RBMS3: variants seen among roughly 807,000 people sequenced by gnomAD.
RBMS3 encodes RNA binding motif single stranded interacting protein 3.
RBMS3 carries 27 observed loss-of-function variants against 66.8 expected under a neutral mutation model. The ratio of observed to expected loss-of-function variants is 0.40; its 90% CI spans 0.30 to 0.56. The LOEUF (loss-of-function observed/expected upper bound fraction) is 0.56. Among genes scored for constraint, RBMS3 ranks in the 20% least tolerant of loss-of-function variants. RBMS3 has a pLI of 0.40. For missense variants in RBMS3, 513 were observed against 549.5 expected (o/e 0.93, Z 0.66); for synonymous variants, 188 against 183.0 (o/e 1.03, Z -0.22).
chr3:29,338,712 C>CTCTCT (rs1167798058), intron 1 of RBMS3, among the ~76,000 whole-genome samples: 1 of 147,120 alleles, frequency 6.8e-6, no homozygotes, highest in African/African-American at 2.5e-5. Flanking sequence ...CTCTCCTCTC[C>CTCTCT]TCTCCTCTCT....
intron 4 of RBMS3, among the ~76,000 whole-genome samples, chr3:29,588,486 G>C (rs1041965958): frequency 3.9e-5 from 6 of 152,080 alleles, no homozygotes; most frequent in South Asian, 2.1e-4. Flanking sequence ...CTAGAGGTAA[G>C]ATATTTGGTT....
intron 4 of RBMS3, among the ~76,000 whole-genome samples, chr3:29,657,037 A>T (rs2149221944): frequency 6.6e-6 from 1 of 152,298 alleles, no homozygotes; most frequent in African/African-American, 2.4e-5. Flanking sequence ...GATGATTATG[A>T]GCGAAGTCTG....
chr3:29,321,022 A>C (rs1486128158), intron 1 of RBMS3, among the ~76,000 whole-genome samples: 1 of 152,036 alleles, frequency 6.6e-6, no homozygotes, highest in East Asian at 1.9e-4. Flanking sequence ...CATTGAGTTA[A>C]GATATCATAT....
intron 4 of RBMS3, among the ~76,000 whole-genome samples, chr3:29,713,205 TC>T (rs542720302): frequency 1.3e-5 from 2 of 151,710 alleles, no homozygotes; most frequent in Non-Finnish European, 2.9e-5. Flanking sequence ...TCTCTTCATT[TC>T]CCCCCCATTA....
chr3:29,742,662 G>A (rs1310066729), intron 5 of RBMS3, among the ~76,000 whole-genome samples: 2 of 152,074 alleles, frequency 1.3e-5, no homozygotes, highest in African/African-American at 4.8e-5. Context: ...AATATATCAC[G>A]ATTACAATGA....
intron 13 of RBMS3, among the ~76,000 whole-genome samples, chr3:29,988,868 T>C (rs927660519): frequency 2.6e-5 from 4 of 152,204 alleles, no homozygotes; most frequent in African/African-American, 7.2e-5. Context: ...GATCACTCAG[T>C]GATCCAAATG....
chr3:29,704,118 T>C (rs1271578317), intron 4 of RBMS3, among the ~76,000 whole-genome samples: 2 of 152,112 alleles, frequency 1.3e-5, no homozygotes, highest in African/African-American at 4.8e-5. Context: ...TACATTAGAG[T>C]GAGTCATATA....
intron 2 of RBMS3, among the ~76,000 whole-genome samples, chr3:29,476,799 A>G (rs2042963746): frequency 6.6e-6 from 1 of 152,192 alleles, no homozygotes; most frequent in African/African-American, 2.4e-5. Context: ...TCTGCATTAT[A>G]TGGCTTTGTG....
chr3:29,550,930 C>T (rs2149031502), intron 3 of RBMS3, among the ~76,000 whole-genome samples: 1 of 152,306 alleles, frequency 6.6e-6, no homozygotes, highest in East Asian at 1.9e-4. Context: ...GCAATGAAGA[C>T]TGGGAATGTA....
intron 3 of RBMS3, among the ~76,000 whole-genome samples, chr3:29,518,221 T>C (rs1172471606): frequency 6.6e-6 from 1 of 152,210 alleles, no homozygotes; most frequent in Non-Finnish European, 1.5e-5. Context: ...CTGCAACTGT[T>C]TGTGGTTAAA....
chr3:29,745,154 C>T (rs143754586), intron 5 of RBMS3, among the ~76,000 whole-genome samples: 96 of 152,152 alleles, frequency 6.3e-4, no homozygotes, highest in African/African-American at 2.1e-3. Context: ...GCCAGTGGGG[C>T]GCACAGACAG....
At chr3:29,666,830 G>A (rs1576473385) in intron 4 of RBMS3, among the ~76,000 whole-genome samples, 1 of 152,004 alleles carries the variant, frequency 6.6e-6, no homozygotes, top group African/African-American at 2.4e-5. Flanking sequence ...TTATACAAAT[G>A]GGAATGAGCT....
chr3:29,595,397 T>TAAAAA (rs551487113), intron 4 of RBMS3, among the ~76,000 whole-genome samples: 1 of 99,900 alleles, frequency 1.0e-5, no homozygotes, highest in East Asian at 2.8e-4. Context: ...AGAGTCAGTC[T>TAAAAA]AAAAAAAAAA....
At chr3:29,729,460 G>A (rs567570284) in intron 4 of RBMS3, among the ~76,000 whole-genome samples, 1 of 152,216 alleles carries the variant, frequency 6.6e-6, no homozygotes, top group South Asian at 2.1e-4. Flanking sequence ...GCGTGCATGT[G>A]TCTTTATAGT....
chr3:29,722,385 C>T (rs1186063581), intron 4 of RBMS3, among the ~76,000 whole-genome samples: 2 of 152,072 alleles, frequency 1.3e-5, no homozygotes, highest in Middle Eastern at 3.4e-3. Context: ...CCCTCGTATC[C>T]ATAAAGAGTT....
At chr3:29,559,100 A>G (rs2046453701) in intron 3 of RBMS3, among the ~76,000 whole-genome samples, 1 of 152,264 alleles carries the variant, frequency 6.6e-6, no homozygotes, top group South Asian at 2.1e-4. Flanking sequence ...TATCCAATGA[A>G]CAAAGATAGT....
chr3:29,886,895 G>T (rs2059884725), intron 8 of RBMS3, among the ~76,000 whole-genome samples: 1 of 151,674 alleles, frequency 6.6e-6, no homozygotes. Context: ...ACAACCTGAA[G>T]AAACTTTTCA....
chr3:29,524,844 G>T (rs1268019957), intron 3 of RBMS3, among the ~76,000 whole-genome samples: 1 of 151,984 alleles, frequency 6.6e-6, no homozygotes, highest in Non-Finnish European at 1.5e-5. Flanking sequence ...CTTGAGCCTA[G>T]CAGTTTTGGA....
intron 3 of RBMS3, among the ~76,000 whole-genome samples, chr3:29,534,793 T>G (rs990954304): frequency 2.0e-5 from 3 of 152,356 alleles, no homozygotes; most frequent in Admixed American, 6.5e-5. Flanking sequence ...TTCAGCAGCA[T>G]AGCTGACATA....
Sources: allele counts gnomAD v4.1 joint callset (sites outside exome capture counted in the v4.1 genomes callset), GRCh38; gene constraint gnomAD v4.1.1; transcripts MANE v1.5; gene names NCBI Gene and HGNC (gene_info 2026-07-23, HGNC 2026-07-21).